Variants in ALOX5 observed in about 807,000 individuals in gnomAD.
ALOX5 encodes arachidonate 5-lipoxygenase.
Under a neutral mutation model 87.9 loss-of-function variants are expected in ALOX5, and 64 were observed. The ratio of observed to expected loss-of-function variants is 0.73; its 90% CI spans 0.60 to 0.90. The LOEUF (loss-of-function observed/expected upper bound fraction) is 0.90, where lower values mean the gene tolerates loss of function less well. ALOX5 is among the 40% of genes least tolerant of loss of function. ALOX5 has a pLI of 0.00. For missense variants in ALOX5, 822 were observed against 907.5 expected, an observed-to-expected ratio of 0.91 and a Z score of 1.21; for synonymous variants, 388 against 355.1, an observed-to-expected ratio of 1.09 and a Z score of -1.04.
Position 45,425,158 on chromosome 10 carries a change from G to C in ALOX5, c.834+26G>C. On this transcript the variant is annotated intron_variant, in intron 6 of 13. Transcript: ENST00000374391. This position sits in a 1 kb window ranked among gnomAD's most constrained non-coding sequence, Gnocchi z 4.4. The stretch of plus-strand genomic sequence containing the variant: ...GTAGGGGTTGATGGGCTGGGGAAGT[G>C]GCCAAGGTCACAGTCTGTCAGGTGG... 6.2e-7 allele frequency: 1 copy of C among 1,605,604 alleles called. No individual in the cohort carries two copies. Among genetic ancestry groups the C allele is most frequent in the Non-Finnish European group, 8.5e-7 (1 of 1,175,114 alleles).
chr10:45,381,516 G>A (rs1839826850), intron 1 of ALOX5, among the ~76,000 whole-genome samples: 1 of 152,210 alleles, frequency 6.6e-6, no homozygotes. Context: ...TGGAAGGGGT[G>A]GTAACTCCCC....
chr10:45,409,778 AG>A (rs1422406398), intron 3 of ALOX5, among the ~76,000 whole-genome samples: 1 of 152,320 alleles, frequency 6.6e-6, no homozygotes, highest in East Asian at 1.9e-4. Context: ...GCTCCTGTGC[AG>A]GTCAGCCTGT....
chr10:45,444,718 T>C (rs964196444), intron 13 of ALOX5: 2 of 170,492 alleles, frequency 1.2e-5, no homozygotes, highest in African/African-American at 2.4e-5. Flanking sequence ...CAGTACTGCA[T>C]AGAATGGCCG....
intron 6 of ALOX5, among the ~76,000 whole-genome samples, chr10:45,426,024 C>A (rs1841691359): frequency 6.6e-6 from 1 of 152,158 alleles, no homozygotes; most frequent in Admixed American, 6.5e-5. Flanking sequence ...GTTTCCTAAC[C>A]TCCTCCTCCT....
chr10:45,442,998 G>A, intron 9 of ALOX5, 40 bp from the exon 10 acceptor site: 3 of 1,586,700 alleles, frequency 1.9e-6, no homozygotes, highest in Non-Finnish European at 2.6e-6. Flanking sequence ...ACAGCTGTGG[G>A]AGGAGCCACC....
intron 8 of ALOX5, 134 bp from the exon 9 acceptor site, chr10:45,441,210 C>G (rs1168869902): frequency 1.4e-6 from 1 of 727,098 alleles, no homozygotes; most frequent in Non-Finnish European, 2.4e-6. Flanking sequence ...GAAAGATCAG[C>G]ACCCAGCCTT....
chr10:45,435,474 T>C (rs946576265), intron 7 of ALOX5, among the ~76,000 whole-genome samples: 6 of 152,176 alleles, frequency 3.9e-5, no homozygotes, highest in Non-Finnish European at 8.8e-5. Context: ...TATGCCCATG[T>C]GTACACAATG....
At chr10:45,374,868 C>T (rs139501603) in intron 1 of ALOX5, among the ~76,000 whole-genome samples, 2 of 152,242 alleles carry the variant, frequency 1.3e-5, no homozygotes, top group African/African-American at 4.8e-5. Flanking sequence ...GAGTCATGCT[C>T]ACAGAACTCT....
intron 7 of ALOX5, among the ~76,000 whole-genome samples, chr10:45,433,614 T>C (rs1051504642): frequency 3.3e-5 from 5 of 152,164 alleles, no homozygotes; most frequent in Non-Finnish European, 7.4e-5. Flanking sequence ...AAATCATTAA[T>C]CAATACATGG....
At chr10:45,394,151 A>G (rs1241137259) in intron 2 of ALOX5, among the ~76,000 whole-genome samples, 1 of 152,228 alleles carries the variant, frequency 6.6e-6, no homozygotes, top group Non-Finnish European at 1.5e-5. Context: ...TGCCAAGACA[A>G]TCCTAAGCCA....
chr10:45,411,144 T>C (rs1260164665), intron 3 of ALOX5, among the ~76,000 whole-genome samples: 1 of 152,034 alleles, frequency 6.6e-6, no homozygotes, highest in Admixed American at 6.6e-5. Flanking sequence ...CTGGTGGGAG[T>C]TTCTTTTAGC....
chr10:45,395,970 G>T (rs1840487189), intron 3 of ALOX5, 34 bp downstream of exon 3: 1 of 1,596,592 alleles, frequency 6.3e-7, no homozygotes, highest in South Asian at 1.1e-5. Flanking sequence ...TGGCCACGGG[G>T]CCATGGTTTC....
chr10:45,406,312 C>T (rs1218148178), intron 3 of ALOX5, among the ~76,000 whole-genome samples: 1 of 152,146 alleles, frequency 6.6e-6, no homozygotes, highest in Non-Finnish European at 1.5e-5. Flanking sequence ...TGTTTCCGCA[C>T]TTTATGTGTT....
intron 4 of ALOX5, among the ~76,000 whole-genome samples, chr10:45,413,182 G>A (rs985556962): frequency 1.3e-5 from 2 of 152,082 alleles, no homozygotes; most frequent in South Asian, 2.1e-4. Flanking sequence ...ACATCAATGC[G>A]AAAATCCTCA....
Position 45,416,938 on chromosome 10 carries a change from A to AGATG in ALOX5, c.554+4644_554+4647dup, listed in dbSNP as rs566719964. Among the ~76,000 whole-genome samples the AGATG allele has an allele frequency of 6.2e-3, 938 of 151,772 alleles. 5 individuals carry two copies. The highest frequency in any genetic ancestry group is 0.011 in the African/African-American group (444 of 41,406). The stretch of plus-strand genomic sequence containing the variant: ...AGTATAGACAGAGAGATGGATGGAT[A>AGATG]GATGGATGGATGGATGGATGGAGGA... On this transcript the variant is annotated intron_variant, in intron 4 of 13. Transcript: ENST00000374391.
At chr10:45,390,504 G>C (rs1840179013) in intron 2 of ALOX5, among the ~76,000 whole-genome samples, 1 of 152,244 alleles carries the variant, frequency 6.6e-6, no homozygotes, top group African/African-American at 2.4e-5. Context: ...TCAGACCACA[G>C]TGCAATCAAA....
intron 4 of ALOX5, among the ~76,000 whole-genome samples, chr10:45,414,642 T>G (rs529995781): frequency 1.1e-3 from 165 of 151,938 alleles, no homozygotes; most frequent in African/African-American, 3.3e-3. Flanking sequence ...ACCATCAGAG[T>G]GAACAGGCAA....
intron 2 of ALOX5, among the ~76,000 whole-genome samples, chr10:45,393,377 G>T (rs1840367304): frequency 1.3e-5 from 2 of 152,198 alleles, no homozygotes; most frequent in South Asian, 4.1e-4. Flanking sequence ...AATAGATGCA[G>T]AAAAGGCCTT....
intron 3 of ALOX5, among the ~76,000 whole-genome samples, chr10:45,403,792 CT>C (rs1164574333): frequency 2.0e-5 from 3 of 152,306 alleles, no homozygotes; most frequent in African/African-American, 7.2e-5. Flanking sequence ...TGTTTCCAGA[CT>C]TCCATACCTG....
Sources: gnomAD v4.1 joint callset for allele counts (sites outside exome capture counted in the v4.1 genomes callset) on GRCh38, gnomAD v4.1.1 for gene constraint, Gnocchi (gnomAD v3.1) non-coding constraint, MANE v1.5 for transcripts, NCBI Gene and HGNC (gene_info 2026-07-23, HGNC 2026-07-21) for gene names.